Variants in SLC9A1 observed in about 807,000 individuals in gnomAD.
The protein encoded by SLC9A1 is solute carrier family 9 member A1.
In SLC9A1, 22 loss-of-function variants were observed where a neutral mutation model predicts 67.9. That is an observed-to-expected ratio of 0.32 (90% CI 0.23 to 0.46). The LOEUF (loss-of-function observed/expected upper bound fraction) is 0.46, where lower values mean the gene tolerates loss of function less well. Ranked by LOEUF, SLC9A1 falls within the 20% of genes least tolerant of loss-of-function variation. The pLI is 1.00. For missense variants in SLC9A1, 686 were observed against 1,094.8 expected (o/e 0.63, Z 5.27); for synonymous variants, 421 against 471.8 (o/e 0.89, Z 1.40).
intron 5 of SLC9A1, among the ~76,000 whole-genome samples, chr1:27,104,652 G>A (rs2083172202): frequency 6.6e-6 from 1 of 152,104 alleles, no homozygotes; most frequent in African/African-American, 2.4e-5. Flanking sequence ...GCCTCCCAAA[G>A]TCCTGGGATC....
rs368476971 is a variant in SLC9A1 at position 27,102,205 on chromosome 1, A to G, written c.1821-75T>C. ...TGCCTCCCAGGTTTGGCCAGAAGGA[A>G]GTCACCCTAGGGATGACCCAGGTGG... On this transcript the variant is annotated intron_variant, in intron 8 of 11. Coordinates refer to ENST00000263980, the MANE Select transcript of SLC9A1 (RefSeq NM_003047.5). The G allele has an allele frequency of 1.8e-4, 260 of 1,422,558 alleles. No homozygotes were observed. In the African/African-American group the frequency reaches 2.8e-3, roughly 15 times the overall value. The allele number at this position is 1,422,558 out of a possible 1,614,324, so 88.1% of individuals were successfully genotyped here.
chr1:27,130,762 C>T (rs2083378894), intron 1 of SLC9A1, among the ~76,000 whole-genome samples: 1 of 152,182 alleles, frequency 6.6e-6, no homozygotes, highest in African/African-American at 2.4e-5. Flanking sequence ...TGACACACAG[C>T]CAGGAAACAA....
At position 27,118,177 on chromosome 1, in the gene SLC9A1, G is replaced by A. The variant is rs1290888092; in HGVS notation, c.353-3891C>T. Reference sequence around the variant, plus strand: ...TGGAGCTGGTTTCCCTGGCTTTCCTGTTTTGTCTCTGGCGCTCAGTGAGCT... The same window carrying A: ...TGGAGCTGGTTTCCCTGGCTTTCCTATTTTGTCTCTGGCGCTCAGTGAGCT... On this transcript the variant is annotated intron_variant, in intron 1 of 11. Transcript: ENST00000263980. The surrounding 1 kb of genome is among the most constrained non-coding windows in gnomAD (Gnocchi z 4.3). Among the ~76,000 whole-genome samples, 1 of 152,158 alleles carries A rather than the reference G, an allele frequency of 6.6e-6. No homozygotes were observed. The highest frequency in any genetic ancestry group is 1.5e-5 in the Non-Finnish European group (1 of 68,028).
chr1:27,146,655 T>C (rs1216560823), intron 1 of SLC9A1, among the ~76,000 whole-genome samples: 1 of 152,148 alleles, frequency 6.6e-6, no homozygotes, highest in Non-Finnish European at 1.5e-5. Flanking sequence ...GACCTGTACC[T>C]GTGGTCCCAG....
Position 27,118,992 on chromosome 1 carries a change from G to A in SLC9A1, c.353-4706C>T, listed in dbSNP as rs368137644. Among the ~76,000 whole-genome samples, 5 of 151,932 alleles carry A rather than the reference G, an allele frequency of 3.3e-5. No individual in the cohort carries two copies. In the East Asian group the frequency reaches 5.9e-4, roughly 18 times the overall value. On this transcript the variant is annotated intron_variant, in intron 1 of 11. Transcript: ENST00000263980. This position sits in a 1 kb window ranked among gnomAD's most constrained non-coding sequence, Gnocchi z 4.3. ...GCGCTCCTTTTAGAAGAGGCTGGGG[G>A]ATGGGAGAAGTGTTTTTCATTCTAT...
intron 1 of SLC9A1, among the ~76,000 whole-genome samples, chr1:27,153,211 C>T (rs1033548550): frequency 6.6e-6 from 1 of 152,118 alleles, no homozygotes; most frequent in Non-Finnish European, 1.5e-5. Context: ...AGACAGCACC[C>T]TGAGACACAG....
chr1:27,112,952 G>C (rs1269341874), intron 2 of SLC9A1, among the ~76,000 whole-genome samples: 2 of 150,280 alleles, frequency 1.3e-5, no homozygotes, highest in Admixed American at 6.6e-5. Flanking sequence ...CACACAGCAA[G>C]CAAGTGGCCA....
At chr1:27,146,898 G>A (rs1312652069) in intron 1 of SLC9A1, among the ~76,000 whole-genome samples, 1 of 152,174 alleles carries the variant, frequency 6.6e-6, no homozygotes, top group Non-Finnish European at 1.5e-5. Context: ...CACTTTGGGG[G>A]GCCGGGACGG....
chr1:27,100,194 T>C lies in SLC9A1; in HGVS notation c.*113A>G, dbSNP rs1393370934. The C allele has an allele frequency of 1.8e-5, 13 of 712,142 alleles. No individual in the cohort carries two copies. Among genetic ancestry groups the C allele is most frequent in the Non-Finnish European group, 2.6e-5 (12 of 459,476 alleles). The allele number at this position is 712,142 out of a possible 1,614,324, so 44.1% of individuals were successfully genotyped here. A position where few individuals can be genotyped will look rare whatever the true frequency, so the allele number is the denominator to read the frequency against. ...GGCTGTGGGCCCAGCTGCCATGCGG[T>C]AGGGGGAGGGGCAGGGCCAATCCGG... On this transcript the variant is annotated 3_prime_UTR_variant, in exon 12 of 12. Transcript: ENST00000263980. This position sits in a 1 kb window ranked among gnomAD's most constrained non-coding sequence, Gnocchi z 5.6.
rs370704524 is a variant in SLC9A1, at chr1:27,102,005, C to T, written c.1935+11G>A. 7.2e-5 allele frequency: 115 copies of T among 1,595,560 alleles called. No homozygotes were observed. The African/African-American group carries it at 1.4e-3, about 20-fold the overall frequency. On this transcript the variant is annotated intron_variant, in intron 9 of 11. Coordinates refer to ENST00000263980, the MANE Select transcript of SLC9A1 (RefSeq NM_003047.5). The stretch of plus-strand genomic sequence containing the variant: ...GTACCCTGGGGGTCGGGCTGGGGAG[C>T]AGGCCCTCACCCGCTGCCTGGTCTT...
At position 27,101,482 on chromosome 1, in the gene SLC9A1, T is replaced by C. The variant is rs2083144321; in HGVS notation, c.2038-207A>G. On this transcript the variant is annotated intron_variant, in intron 10 of 11. Transcript: ENST00000263980. This position sits in a 1 kb window ranked among gnomAD's most constrained non-coding sequence, Gnocchi z 4.9. ...CTGTCACAGCCTCCCTGAATACACCTACACTGCTCAGCCTTAAATCCACCC... is the reference window on the plus strand; with the variant it reads ...CTGTCACAGCCTCCCTGAATACACCCACACTGCTCAGCCTTAAATCCACCC... Among the ~76,000 whole-genome samples the C allele has an allele frequency of 6.6e-6, 1 of 152,126 alleles. No individual in the cohort carries two copies. The highest frequency in any genetic ancestry group is 2.1e-4 in the South Asian group (1 of 4,820).
Position 27,101,113 on chromosome 1 carries a change from C to T in SLC9A1, c.2110+90G>A, listed in dbSNP as rs1222477349. 2 of 989,398 alleles carry T rather than the reference C, an allele frequency of 2.0e-6. No homozygotes were observed. Among genetic ancestry groups the T allele is most frequent in the Non-Finnish European group, 3.1e-6 (2 of 648,136 alleles). 61.3% of individuals were successfully genotyped at this position (989,398 alleles called of 1,614,324 possible). On this transcript the variant is annotated intron_variant, in intron 11 of 11. Coordinates refer to ENST00000263980, the MANE Select transcript of SLC9A1 (RefSeq NM_003047.5). The surrounding 1 kb of genome is among the most constrained non-coding windows in gnomAD (Gnocchi z 4.9). ...TCAGCGAGGGCCAGGCCTGTCCTCC[C>T]AGTGGCTGAGGACTGTTCCTGTGGA...
intron 1 of SLC9A1, among the ~76,000 whole-genome samples, chr1:27,145,888 G>C (rs1038501462): frequency 1.3e-5 from 2 of 152,212 alleles, no homozygotes; most frequent in Non-Finnish European, 2.9e-5. Context: ...TGATCCCAGG[G>C]AAGGCGGGCA....
At chr1:27,105,753 A>G (rs1431365243) in intron 5 of SLC9A1, 132 bp downstream of exon 5, 3 of 808,962 alleles carry the variant, frequency 3.7e-6, no homozygotes, top group Non-Finnish European at 6.4e-6. Flanking sequence ...TGGCTCGCCC[A>G]AGGTCACACA....
intron 6 of SLC9A1, 73 bp from the exon 7 acceptor site, chr1:27,102,816 A>G (rs1262580157): frequency 7.5e-7 from 1 of 1,325,200 alleles, no homozygotes; most frequent in Non-Finnish European, 1.1e-6. Flanking sequence ...GACTAGCCCC[A>G]CTCCCTCCCG....
chr1:27,109,489 A>AC lies in SLC9A1; in HGVS notation c.1064+37dup. The AC allele has an allele frequency of 1.3e-6, 2 of 1,511,772 alleles. No individual in the cohort carries two copies. Among genetic ancestry groups the AC allele is most frequent in the Admixed American group, 1.8e-5 (1 of 55,816 alleles). 93.6% of individuals were successfully genotyped at this position (1,511,772 alleles called of 1,614,324 possible). A position where few individuals can be genotyped will look rare whatever the true frequency, so the allele number is the denominator to read the frequency against. ...ATCCAAGCTGGCAGCCCCCGCCCCCACCCCGCCAAGCCCACTGCCTGCTGC... is the reference window on the plus strand; with the variant it reads ...ATCCAAGCTGGCAGCCCCCGCCCCCACCCCCGCCAAGCCCACTGCCTGCTGC... On this transcript the variant is annotated intron_variant, in intron 3 of 11. Coordinates refer to ENST00000263980, the MANE Select transcript of SLC9A1 (RefSeq NM_003047.5). This position sits in a 1 kb window ranked among gnomAD's most constrained non-coding sequence, Gnocchi z 5.5.
intron 1 of SLC9A1, among the ~76,000 whole-genome samples, chr1:27,140,820 A>C (rs1340674490): frequency 6.6e-6 from 1 of 152,122 alleles, no homozygotes. Context: ...CATAACATAA[A>C]TGTTATGTAG....
At chr1:27,140,061 G>A (rs1028372478) in intron 1 of SLC9A1, among the ~76,000 whole-genome samples, 1 of 151,906 alleles carries the variant, frequency 6.6e-6, no homozygotes, top group Admixed American at 6.6e-5. Flanking sequence ...CCAAAGTGCC[G>A]GGATTACAGG....
rs1167688944 is a variant in SLC9A1, at chr1:27,109,774, G to A, written c.817C>T (p.Leu273=). 1.2e-6 allele frequency: 2 copies of A among 1,613,830 alleles called. No homozygotes were observed. Among genetic ancestry groups the A allele is most frequent in the South Asian group, 2.2e-5 (2 of 91,066 alleles). Residue 273 remains leucine, a synonymous_variant, in exon 3 of 12, where the codon CTG becomes TTG. Transcript: ENST00000263980. The surrounding 1 kb of genome is among the most constrained non-coding windows in gnomAD (Gnocchi z 5.5). The part of the protein sequence containing the change: ...SLLNDAVTVV[L]YHLFEEFANY... ...GCAAACTCCTCAAAGAGGTGATACA[G>A]GACCTGGGGAGGGTGTGCAGGCTGG...
Sources: allele counts gnomAD v4.1 joint callset (sites outside exome capture counted in the v4.1 genomes callset), GRCh38; gene constraint gnomAD v4.1.1; non-coding constraint Gnocchi (gnomAD v3.1); transcripts MANE v1.5; gene names NCBI Gene and HGNC (gene_info 2026-07-23, HGNC 2026-07-21).